HPSE2: variants seen among roughly 807,000 people sequenced by gnomAD.
HPSE2 encodes heparanase 2 (inactive).
A neutral mutation model predicts 60.5 loss-of-function variants in HPSE2; 38 were observed. That is an observed-to-expected ratio of 0.63 (90% CI 0.48 to 0.82). The LOEUF (loss-of-function observed/expected upper bound fraction) is 0.82, where lower values mean the gene tolerates loss of function less well. Ranked by LOEUF, HPSE2 falls within the 40% of genes least tolerant of loss-of-function variation. HPSE2 has a pLI of 0.00. For missense variants in HPSE2, 713 were observed against 740.4 expected (o/e 0.96, Z 0.43); for synonymous variants, 295 against 293.2 (o/e 1.01, Z -0.06).
rs972929689 is a variant in HPSE2, at chr10:98,938,489, G to A, written c.611-194433C>T. On this transcript the variant is annotated intron_variant, in intron 3 of 11. Transcript: ENST00000370552. ...TGATCAACTGGAAGAAAGGTTATCA[G>A]TGATGGAAGATGAAATGAATGAAAT... Among the ~76,000 whole-genome samples the A allele has an allele frequency of 2.4e-4, 35 of 144,312 alleles. 8 individuals are homozygous for A. Among genetic ancestry groups the A allele is most frequent in the Middle Eastern group, 3.6e-3 (1 of 278 alleles). The allele number at this position is 144,312 out of a possible 152,430, so 94.7% of individuals were successfully genotyped here.
intron 9 of HPSE2, among the ~76,000 whole-genome samples, chr10:98,559,048 C>G (rs545991038): frequency 7.4e-4 from 113 of 152,172 alleles, no homozygotes; most frequent in Non-Finnish European, 1.2e-3. Flanking sequence ...GTTTTTCTTT[C>G]GGAGACAGGG....
chr10:98,980,079 A>C (rs1444941486), intron 3 of HPSE2, among the ~76,000 whole-genome samples: 2 of 152,210 alleles, frequency 1.3e-5, no homozygotes, highest in Non-Finnish European at 2.9e-5. Context: ...GAATCAACCT[A>C]GTGTTCTACA....
chr10:98,620,624 C>A lies in HPSE2; in HGVS notation c.1183G>T (p.Asp395Tyr), dbSNP rs773647387. ...TSAGGTNNLS[D>Y]SYAAGFLWLN... ...CACAAGAATCCTGCAGCATAGGAAT[C>A]GGATAGATTGTTTGTGCCTCCAGCT... Residue 395 changes from aspartate to tyrosine, a missense_variant, in exon 8 of 12, where the codon GAT becomes TAT. Coordinates refer to ENST00000370552, the MANE Select transcript of HPSE2 (RefSeq NM_021828.5). 38 of 1,613,898 alleles carry A rather than the reference C, an allele frequency of 2.4e-5. No homozygotes were observed. In the East Asian group the frequency reaches 8.2e-4, roughly 35 times the overall value.
At chr10:99,201,231 C>T (rs1395160919) in intron 2 of HPSE2, among the ~76,000 whole-genome samples, 1 of 152,096 alleles carries the variant, frequency 6.6e-6, no homozygotes. Flanking sequence ...CAGATCAAAT[C>T]AATTACCATA....
At chr10:98,650,779 T>C (rs1308395327) in intron 6 of HPSE2, among the ~76,000 whole-genome samples, 5 of 152,194 alleles carry the variant, frequency 3.3e-5, no homozygotes, top group African/African-American at 1.2e-4. Flanking sequence ...AGGCAGCATT[T>C]TGATGACATA....
At chr10:98,691,833 T>C (rs1203742789) in intron 6 of HPSE2, among the ~76,000 whole-genome samples, 2 of 152,172 alleles carry the variant, frequency 1.3e-5, no homozygotes, top group African/African-American at 4.8e-5. Flanking sequence ...CCCTAACTCA[T>C]TTGGTTGTTG....
At chr10:98,738,085 T>C (rs1949403577) in intron 4 of HPSE2, among the ~76,000 whole-genome samples, 1 of 152,136 alleles carries the variant, frequency 6.6e-6, no homozygotes, top group South Asian at 2.1e-4. Flanking sequence ...CAAACTATAC[T>C]ACAAGGCTAC....
intron 8 of HPSE2, among the ~76,000 whole-genome samples, chr10:98,616,800 T>C (rs924984070): frequency 6.6e-6 from 1 of 152,182 alleles, no homozygotes; most frequent in Non-Finnish European, 1.5e-5. Flanking sequence ...TGAAATTACT[T>C]TTGGAACATG....
At chr10:98,519,013 G>GA (rs1268169958) in intron 9 of HPSE2, among the ~76,000 whole-genome samples, 2 of 152,232 alleles carry the variant, frequency 1.3e-5, no homozygotes, top group East Asian at 3.9e-4. Context: ...GAAAAATGCA[G>GA]AAAAAATGAA....
chr10:99,215,393 A>G (rs1342492569), intron 2 of HPSE2, among the ~76,000 whole-genome samples: 1 of 152,226 alleles, frequency 6.6e-6, no homozygotes, highest in Non-Finnish European at 1.5e-5. Context: ...GTTCTCACTC[A>G]TAAGTGGGAG....
At chr10:99,037,545 G>A (rs1325276075) in intron 3 of HPSE2, among the ~76,000 whole-genome samples, 4 of 151,886 alleles carry the variant, frequency 2.6e-5, no homozygotes, top group Admixed American at 2.6e-4. Context: ...TCAATTAAAT[G>A]CAAAGTGTAA....
chr10:99,289,086 G>C, the HPSE2 span, among the ~76,000 whole-genome samples: 1 of 152,102 alleles, frequency 6.6e-6, no homozygotes, highest in Non-Finnish European at 1.5e-5. Context: ...CCTGTAAGAA[G>C]TGACAAAAAA....
intron 3 of HPSE2, among the ~76,000 whole-genome samples, chr10:99,028,576 T>G (rs1390358662): frequency 3.3e-5 from 5 of 152,150 alleles, no homozygotes; most frequent in African/African-American, 1.2e-4. Context: ...AATTTATAGA[T>G]TCTATGCAAT....
intron 3 of HPSE2, among the ~76,000 whole-genome samples, chr10:99,034,988 CAGTG>C (rs1315703138): frequency 6.6e-6 from 1 of 152,120 alleles, no homozygotes; most frequent in Non-Finnish European, 1.5e-5. Flanking sequence ...CTGAGTGTGT[CAGTG>C]AGTGAGTGGT....
intron 3 of HPSE2, among the ~76,000 whole-genome samples, chr10:98,885,290 T>A (rs1292714801): frequency 6.6e-6 from 1 of 152,172 alleles, no homozygotes; most frequent in East Asian, 1.9e-4. Flanking sequence ...TTCTCATGAA[T>A]GAGCAGAGGG....
At chr10:99,313,512 T>C in the HPSE2 span, among the ~76,000 whole-genome samples, 3 of 151,462 alleles carry the variant, frequency 2.0e-5, no homozygotes, top group Admixed American at 6.6e-5. Context: ...GTGAATATTA[T>C]TGAAATGAAA....
At chr10:98,854,700 T>C (rs1362520874) in intron 3 of HPSE2, among the ~76,000 whole-genome samples, 2 of 151,946 alleles carry the variant, frequency 1.3e-5, no homozygotes, top group East Asian at 3.9e-4. Context: ...AAGTAACATA[T>C]TGAGAAACAT....
At chr10:99,018,531 A>C (rs965269132) in intron 3 of HPSE2, among the ~76,000 whole-genome samples, 19 of 152,198 alleles carry the variant, frequency 1.2e-4, no homozygotes, top group South Asian at 2.1e-4. Context: ...TGAGAGGCCA[A>C]TTTGCTGTTA....
intron 9 of HPSE2, among the ~76,000 whole-genome samples, chr10:98,525,071 C>T (rs577131475): frequency 6.6e-6 from 1 of 152,316 alleles, no homozygotes; most frequent in South Asian, 2.1e-4. Context: ...AGTGCAATGG[C>T]ACGATCTTGG....
Sources: allele counts gnomAD v4.1 joint callset (sites outside exome capture counted in the v4.1 genomes callset), GRCh38; gene constraint gnomAD v4.1.1; transcripts MANE v1.5; gene names NCBI Gene and HGNC (gene_info 2026-07-23, HGNC 2026-07-21).